SMIM10L3: variants seen among roughly 807,000 people sequenced by gnomAD.
SMIM10L3 encodes the protein salivary gland specific protein SAGSIN1.
the SMIM10L3 span, among the ~76,000 whole-genome samples, chr7:6,333,589 T>C: frequency 1.3e-5 from 2 of 151,118 alleles, no homozygotes; most frequent in Non-Finnish European, 3.0e-5. Context: ...GCCTGTAACT[T>C]CTGGGCTCAA....
the SMIM10L3 span, chr7:6,331,339 C>T: frequency 6.2e-6 from 4 of 641,398 alleles, no homozygotes; most frequent in Non-Finnish European, 1.1e-5. Context: ...ATCTTTATGA[C>T]AGTCTCCAGT....
At chr7:6,338,204 G>A in the SMIM10L3 span, among the ~76,000 whole-genome samples, 6 of 152,092 alleles carry the variant, frequency 3.9e-5, no homozygotes, top group East Asian at 1.9e-4. Flanking sequence ...GTATTCTGAG[G>A]GCCACAAATA....
At chr7:6,348,782 C>T in the SMIM10L3 span, 15 of 396,250 alleles carry the variant, frequency 3.8e-5, no homozygotes, top group South Asian at 6.3e-4. Flanking sequence ...CTCCCACAGC[C>T]CCCCCGCCCG....
At chr7:6,337,902 C>G in the SMIM10L3 span, among the ~76,000 whole-genome samples, 3 of 151,616 alleles carry the variant, frequency 2.0e-5, no homozygotes, top group African/African-American at 7.3e-5. Context: ...CTCCCAGGTT[C>G]AAGCAATTCT....
chr7:6,339,238 TG>T, the SMIM10L3 span, among the ~76,000 whole-genome samples: 1 of 151,812 alleles, frequency 6.6e-6, no homozygotes, highest in Non-Finnish European at 1.5e-5. Context: ...GAGGCCGAGG[TG>T]GGGAGATCAC....
the SMIM10L3 span, among the ~76,000 whole-genome samples, chr7:6,331,770 C>T: frequency 5.3e-4 from 66 of 123,924 alleles, 1 homozygote; most frequent in African/African-American, 1.8e-3. Flanking sequence ...GATGGCGTTT[C>T]GCTCTTTTTG....
At chr7:6,348,889 A>G in the SMIM10L3 span, 5 of 387,440 alleles carry the variant, frequency 1.3e-5, no homozygotes, top group Non-Finnish European at 2.3e-5. Flanking sequence ...GGCGGGCCGC[A>G]GTGGAGCGGA....
At chr7:6,330,293 G>C in the SMIM10L3 span, 1 of 1,323,418 alleles carries the variant, frequency 7.6e-7, no homozygotes, top group Non-Finnish European at 1.0e-6. Flanking sequence ...GGGCTGCACA[G>C]TTTGCATCCA....
chr7:6,346,060 T>C, the SMIM10L3 span, among the ~76,000 whole-genome samples: 2 of 152,102 alleles, frequency 1.3e-5, no homozygotes, highest in Non-Finnish European at 2.9e-5. Flanking sequence ...TGAGACACCA[T>C]GCCCAGCCAA....
the SMIM10L3 span, chr7:6,329,702 G>C: frequency 1.8e-5 from 3 of 165,870 alleles, no homozygotes; most frequent in Non-Finnish European, 4.4e-5. Context: ...GAAATAACTC[G>C]ATTTGCTTCT....
the SMIM10L3 span, among the ~76,000 whole-genome samples, chr7:6,341,209 C>T: frequency 6.7e-6 from 1 of 150,036 alleles, no homozygotes; most frequent in Non-Finnish European, 1.5e-5. Flanking sequence ...CTTTGGGAGG[C>T]CAAGGAGGGT....
chr7:6,346,622 G>A, the SMIM10L3 span, among the ~76,000 whole-genome samples: 2 of 152,192 alleles, frequency 1.3e-5, no homozygotes, highest in East Asian at 3.9e-4. Flanking sequence ...CTTAAGCGAC[G>A]CAGACACCTT....
the SMIM10L3 span, among the ~76,000 whole-genome samples, chr7:6,346,020 C>T: frequency 6.6e-6 from 1 of 152,116 alleles, no homozygotes; most frequent in Admixed American, 6.6e-5. Flanking sequence ...CCGCCTGCTT[C>T]AGCCTCCCAA....
At chr7:6,332,111 CG>C in the SMIM10L3 span, among the ~76,000 whole-genome samples, 31 of 104,810 alleles carry the variant, frequency 3.0e-4, no homozygotes, top group East Asian at 1.8e-3. Context: ...CTCCATCTCA[CG>C]GAAAAAAAAA....
the SMIM10L3 span, among the ~76,000 whole-genome samples, chr7:6,337,615 C>T: frequency 0.024 from 3,595 of 151,298 alleles, 78 homozygotes; most frequent in Middle Eastern, 0.055. Context: ...AGCAAACTAA[C>T]GCAGTATAAG....
At chr7:6,332,227 T>TA in the SMIM10L3 span, among the ~76,000 whole-genome samples, 1 of 152,056 alleles carries the variant, frequency 6.6e-6, no homozygotes, top group Non-Finnish European at 1.5e-5. Flanking sequence ...ACCAGCACCT[T>TA]CATTGTCTCT....
At chr7:6,330,485 T>C in the SMIM10L3 span, 7 of 1,614,184 alleles carry the variant, frequency 4.3e-6, no homozygotes, top group East Asian at 1.1e-4. Context: ...AATTCTATTG[T>C]TTGCTTTGAA....
the SMIM10L3 span, among the ~76,000 whole-genome samples, chr7:6,346,756 A>C: frequency 1.6e-4 from 24 of 152,288 alleles, no homozygotes; most frequent in Admixed American, 1.4e-3. Flanking sequence ...GTCAGGCACC[A>C]GCCACCTGAA....
chr7:6,330,285 G>A, the SMIM10L3 span: 19 of 1,254,734 alleles, frequency 1.5e-5, no homozygotes, highest in East Asian at 4.2e-4. Context: ...GAACCTAAGG[G>A]CTGCACAGTT....
Sources: gnomAD v4.1 joint callset for allele counts (sites outside exome capture counted in the v4.1 genomes callset) on GRCh38, gnomAD v4.1.1 for gene constraint, MANE v1.5 for transcripts, NCBI Gene and HGNC (gene_info 2026-07-23, HGNC 2026-07-21) for gene names.